CCDC57: variants seen among roughly 807,000 people sequenced by gnomAD.
CCDC57 encodes the protein coiled-coil domain-containing protein 57.
Under a neutral mutation model 118.9 loss-of-function variants are expected in CCDC57, and 118 were observed. The ratio of observed to expected loss-of-function variants is 0.99; its 90% CI spans 0.86 to 1.16. The LOEUF (loss-of-function observed/expected upper bound fraction) is 1.16, where lower values mean the gene tolerates loss of function less well. Among genes scored for constraint, CCDC57 ranks in the 50% most tolerant of loss-of-function variants. The pLI is 0.00. For missense variants in CCDC57, 1,300 were observed against 1,320.7 expected (o/e 0.98, Z 0.24); for synonymous variants, 527 against 532.9 (o/e 0.99, Z 0.15).
chr17:82,175,639 A>G (rs1274025920), intron 11 of CCDC57: 4 of 152,118 alleles, frequency 2.6e-5, no homozygotes, highest in Admixed American at 1.3e-4. Context: ...CATCTTACAT[A>G]TGTTGATTGA....
At chr17:82,208,028 G>C (rs948815537) in exon 2 of CCDC57, 1 of 152,132 alleles carries the variant, frequency 6.6e-6, no homozygotes, top group Non-Finnish European at 1.5e-5. Context: ...AGGAAAAACA[G>C]TTTGAGTTTT....
chr17:82,127,570 A>C (rs2037657357), intron 19 of CCDC57, 122 bp downstream of exon 18: 30 of 1,453,458 alleles, frequency 2.1e-5, no homozygotes, highest in Non-Finnish European at 2.7e-5. Context: ...TACTCAACCA[A>C]AGTGCAGGGA....
At chr17:82,142,629 A>T (rs543248770) in intron 16 of CCDC57, among the ~76,000 whole-genome samples, 45 of 152,272 alleles carry the variant, frequency 3.0e-4, no homozygotes, top group African/African-American at 1.1e-3. Flanking sequence ...GAAATTTATA[A>T]AACATGATGG....
At chr17:82,206,320 G>C (rs1017147444) in intron 2 of CCDC57, among the ~76,000 whole-genome samples, 21 of 152,242 alleles carry the variant, frequency 1.4e-4, no homozygotes, top group Admixed American at 1.0e-3. Context: ...TTCTTGCACA[G>C]TTCCTGGCTC....
chr17:82,103,186 C>T (rs2034586366), intron 19 of CCDC57, among the ~76,000 whole-genome samples: 1 of 152,244 alleles, frequency 6.6e-6, no homozygotes, highest in African/African-American at 2.4e-5. Flanking sequence ...GCCACACACT[C>T]CCAGCCCTGG....
At chr17:82,115,340 TG>T (rs1283248371) in intron 19 of CCDC57, among the ~76,000 whole-genome samples, 3 of 151,420 alleles carry the variant, frequency 2.0e-5, no homozygotes, top group Non-Finnish European at 4.4e-5. Flanking sequence ...TCTTTCCCTT[TG>T]GATCTTTAGA....
intron 6 of CCDC57, 49 bp downstream of exon 5, chr17:82,193,933 C>T (rs1242183508): frequency 1.9e-6 from 3 of 1,584,074 alleles, no homozygotes; most frequent in Admixed American, 1.8e-5. Context: ...CAGTCCTGGC[C>T]TGCGAGGCTG....
At chr17:82,184,025 G>GTGCACACA in intron 8 of CCDC57, 93 bp from the exon 8 acceptor site, 1 of 386,184 alleles carries the variant, frequency 2.6e-6, no homozygotes, top group South Asian at 2.4e-5. Flanking sequence ...ATGCGCGCGC[G>GTGCACACA]CGCGCGCACA....
chr17:82,141,682 G>A (rs939594106), intron 16 of CCDC57, among the ~76,000 whole-genome samples: 2 of 152,092 alleles, frequency 1.3e-5, no homozygotes, highest in African/African-American at 2.4e-5. Flanking sequence ...TGGTTCATCC[G>A]CCTGATGATT....
chr17:82,127,794 T>C (rs746493044), exon 19 of CCDC57: 3 of 1,612,978 alleles, frequency 1.9e-6, no homozygotes, highest in Non-Finnish European at 2.5e-6. Context: ...GAGGAGGAGC[T>C]GTGGGATTGG....
intron 9 of CCDC57, among the ~76,000 whole-genome samples, chr17:82,180,981 A>G (rs895100062): frequency 6.6e-6 from 1 of 152,022 alleles, no homozygotes; most frequent in Non-Finnish European, 1.5e-5. Context: ...AGATGGGCCC[A>G]CTCGCCGCCC....
At chr17:82,137,301 G>C (rs1215732364) in intron 16 of CCDC57, among the ~76,000 whole-genome samples, 3 of 151,968 alleles carry the variant, frequency 2.0e-5, no homozygotes, top group Admixed American at 2.0e-4. Context: ...GATTACCGGC[G>C]TGAGCCACTG....
intron 15 of CCDC57, 124 bp downstream of exon 14, chr17:82,157,624 C>T (rs1250145844): frequency 6.9e-7 from 1 of 1,455,940 alleles, no homozygotes; most frequent in African/African-American, 1.4e-5. Context: ...ACGGCCTTCA[C>T]TGCAGCCCTC....
intron 16 of CCDC57, among the ~76,000 whole-genome samples, chr17:82,143,824 C>T (rs1361066354): frequency 2.0e-5 from 3 of 151,670 alleles, no homozygotes; most frequent in African/African-American, 7.3e-5. Context: ...CCAGGCCGGG[C>T]GCAGTGGCTC....
intron 19 of CCDC57, chr17:82,113,065 AT>A (rs1598629641): frequency 2.6e-6 from 1 of 379,932 alleles, no homozygotes; most frequent in African/African-American, 2.0e-5. Flanking sequence ...TCTAAAAGTT[AT>A]TTCAACACAA....
At chr17:82,149,378 G>A (rs1303436215) in intron 16 of CCDC57, among the ~76,000 whole-genome samples, 1 of 151,976 alleles carries the variant, frequency 6.6e-6, no homozygotes, top group Non-Finnish European at 1.5e-5. Context: ...CAGTCATAAA[G>A]CCAGTGCCCC....
At chr17:82,164,115 C>G (rs1282506745) in intron 13 of CCDC57, among the ~76,000 whole-genome samples, 1 of 152,092 alleles carries the variant, frequency 6.6e-6, no homozygotes, top group Non-Finnish European at 1.5e-5. Context: ...GTGGCTCACG[C>G]CTGTAATCTC....
At chr17:82,190,751 C>A (rs1161755308) in intron 7 of CCDC57, among the ~76,000 whole-genome samples, 1 of 151,264 alleles carries the variant, frequency 6.6e-6, no homozygotes, top group Admixed American at 6.6e-5. Flanking sequence ...CTCTTGCCAC[C>A]CAGAACCCAT....
intron 16 of CCDC57, among the ~76,000 whole-genome samples, chr17:82,137,573 C>A (rs1290649116): frequency 1.3e-5 from 2 of 152,042 alleles, no homozygotes; most frequent in Non-Finnish European, 2.9e-5. Flanking sequence ...AATATTATTT[C>A]TCAGGTACCC....
Sources: gnomAD v4.1 joint callset for allele counts (sites outside exome capture counted in the v4.1 genomes callset) on GRCh38, gnomAD v4.1.1 for gene constraint, MANE v1.5 for transcripts, NCBI Gene and HGNC (gene_info 2026-07-23, HGNC 2026-07-21) for gene names.